GALNT13: variants seen among roughly 807,000 people sequenced by gnomAD.
The protein encoded by GALNT13 is polypeptide N-acetylgalactosaminyltransferase 13.
In GALNT13, 28 loss-of-function variants were observed where a neutral mutation model predicts 64.2. That is an observed-to-expected ratio of 0.44 (90% confidence interval 0.32 to 0.60). The LOEUF (loss-of-function observed/expected upper bound fraction) is 0.60, where lower values mean the gene tolerates loss of function less well. GALNT13 is among the 20% of genes least tolerant of loss of function. The pLI is 0.05. For synonymous variants in GALNT13, 214 were observed against 224.6 expected, an observed-to-expected ratio of 0.95 and a Z score of 0.42; for missense variants, 577 against 669.8, an observed-to-expected ratio of 0.86 and a Z score of 1.53.
intron 9 of GALNT13, among the ~76,000 whole-genome samples, chr2:154,305,227 A>G (rs1363009351): frequency 1.3e-5 from 2 of 152,112 alleles, no homozygotes; most frequent in Non-Finnish European, 1.5e-5. Context: ...CTTCTTTGCT[A>G]TCCTCTGGAA....
chr2:153,622,515 G>A, the GALNT13 span, among the ~76,000 whole-genome samples: 1 of 152,140 alleles, frequency 6.6e-6, no homozygotes, highest in Non-Finnish European at 1.5e-5. Flanking sequence ...GATGATTTGC[G>A]TATTTAGTTT....
At chr2:154,149,849 G>A in intron 4 of GALNT13, among the ~76,000 whole-genome samples, 1 of 152,074 alleles carries the variant, frequency 6.6e-6, no homozygotes, top group East Asian at 1.9e-4. Flanking sequence ...GAGTTTTCTG[G>A]ATATACAGTC....
chr2:153,619,652 T>C, the GALNT13 span, among the ~76,000 whole-genome samples: 2 of 152,226 alleles, frequency 1.3e-5, no homozygotes, highest in South Asian at 4.1e-4. Context: ...ACCCTTCAGC[T>C]TTTGTTTGTC....
At chr2:153,586,317 T>A in the GALNT13 span, among the ~76,000 whole-genome samples, 1 of 152,110 alleles carries the variant, frequency 6.6e-6, no homozygotes, top group Non-Finnish European at 1.5e-5. Flanking sequence ...ATCTTGTCTA[T>A]AAAGACACAT....
In GALNT13 at chr2:154,140,519, T is replaced by A; in HGVS notation, c.311+14T>A. On this transcript the variant is annotated intron_variant, in intron 4 of 12. Transcript: ENST00000392825. ...AAGATTAGAAGGGTAAGTTTGCATTTGTTATATAATCTTTTATATTCATAA... is the reference window on the plus strand; with the variant it reads ...AAGATTAGAAGGGTAAGTTTGCATTAGTTATATAATCTTTTATATTCATAA... 6.4e-7 allele frequency: 1 copy of A among 1,563,340 alleles called. No individual in the cohort carries two copies. The highest frequency in any genetic ancestry group is 8.8e-7 in the Non-Finnish European group (1 of 1,140,456).
rs986166095 is a variant in GALNT13, at chr2:154,225,619, G to A, written c.312-16411G>A. 6.6e-5 allele frequency among the ~76,000 whole-genome samples: 10 copies of A among 152,172 alleles called. 1 individual carries two copies. Among genetic ancestry groups the A allele is most frequent in the African/African-American group, 7.2e-5 (3 of 41,538 alleles). ...AGAAAAACTTCTTCGCCCTCTTGAAGGTTTGCTGAAAATCACAGACAAAGG... is the reference window on the plus strand; with the variant it reads ...AGAAAAACTTCTTCGCCCTCTTGAAAGTTTGCTGAAAATCACAGACAAAGG... On this transcript the variant is annotated intron_variant, in intron 4 of 12. Transcript: ENST00000392825.
chr2:153,360,932 A>G, the GALNT13 span, among the ~76,000 whole-genome samples: 1 of 152,118 alleles, frequency 6.6e-6, no homozygotes, highest in Non-Finnish European at 1.5e-5. Flanking sequence ...AGACCGTCCA[A>G]CAGGGATTGT....
intron 3 of GALNT13, among the ~76,000 whole-genome samples, chr2:154,043,455 T>TATATACATACATACAC (rs1341373277): frequency 4.8e-5 from 5 of 105,002 alleles, no homozygotes; most frequent in African/African-American, 1.6e-4. Context: ...TATATATATA[T>TATATACATACATACAC]ACACACATGT....
the GALNT13 span, among the ~76,000 whole-genome samples, chr2:153,349,545 A>G: frequency 2.0e-5 from 3 of 152,204 alleles, no homozygotes; most frequent in Non-Finnish European, 2.9e-5. Context: ...ACAAGTTTTA[A>G]ATGACAGCTC....
intron 3 of GALNT13, among the ~76,000 whole-genome samples, chr2:154,021,261 G>T (rs1206441178): frequency 2.6e-5 from 4 of 152,228 alleles, no homozygotes; most frequent in African/African-American, 7.2e-5. Context: ...GCTTGATGGG[G>T]ATGGCATTGA....
At chr2:154,322,857 G>T (rs191788514) in intron 9 of GALNT13, among the ~76,000 whole-genome samples, 4 of 152,056 alleles carry the variant, frequency 2.6e-5, no homozygotes, top group Non-Finnish European at 4.4e-5. Context: ...CAAATGGGCT[G>T]TTCTGCAGGA....
chr2:153,108,272 A>T, the GALNT13 span, among the ~76,000 whole-genome samples: 1 of 152,188 alleles, frequency 6.6e-6, no homozygotes, highest in Admixed American at 6.6e-5. Flanking sequence ...TTTAAAAAGA[A>T]CAAGTTTTTT....
chr2:153,902,743 CACTGAGT>C (rs1417485977), intron 2 of GALNT13, among the ~76,000 whole-genome samples: 1 of 152,028 alleles, frequency 6.6e-6, no homozygotes, highest in Non-Finnish European at 1.5e-5. Context: ...GTGCAGGATT[CACTGAGT>C]ACCAGGGTTG....
At chr2:153,729,307 T>C in the GALNT13 span, among the ~76,000 whole-genome samples, 3 of 152,184 alleles carry the variant, frequency 2.0e-5, no homozygotes, top group Admixed American at 2.0e-4. Context: ...TCTTTTCAGA[T>C]GTACATATTT....
chr2:153,403,226 C>T, the GALNT13 span, among the ~76,000 whole-genome samples: 1 of 149,888 alleles, frequency 6.7e-6, no homozygotes, highest in Non-Finnish European at 1.5e-5. Flanking sequence ...GGGTGCCTCC[C>T]GGTTAGGCTG....
At chr2:153,812,194 G>A in the GALNT13 span, among the ~76,000 whole-genome samples, 994 of 152,198 alleles carry the variant, frequency 6.5e-3, 8 homozygotes, top group African/African-American at 0.023. Context: ...ACATTTTTGT[G>A]TGTCTGGCTG....
the GALNT13 span, among the ~76,000 whole-genome samples, chr2:153,181,669 C>T: frequency 7.0e-6 from 1 of 143,034 alleles, no homozygotes; most frequent in African/African-American, 2.5e-5. Context: ...TTATATAATT[C>T]TATTTATGTA....
intron 2 of GALNT13, among the ~76,000 whole-genome samples, chr2:153,903,067 C>G (rs1463267402): frequency 1.3e-5 from 2 of 151,946 alleles, no homozygotes; most frequent in African/African-American, 2.4e-5. Flanking sequence ...AAATCTTGAC[C>G]TTTAGGGAGA....
chr2:153,608,826 A>G, the GALNT13 span, among the ~76,000 whole-genome samples: 1 of 147,718 alleles, frequency 6.8e-6, no homozygotes, highest in African/African-American at 2.5e-5. Flanking sequence ...TACCCTAAAG[A>G]ATAAATATAT....
Sources: allele counts gnomAD v4.1 joint callset (sites outside exome capture counted in the v4.1 genomes callset), GRCh38; gene constraint gnomAD v4.1.1; transcripts MANE v1.5; gene names NCBI Gene and HGNC (gene_info 2026-07-23, HGNC 2026-07-21).